Variants in PRIM2 observed in about 807,000 individuals in gnomAD.
PRIM2 encodes DNA primase large subunit.
Under a neutral mutation model 67.3 loss-of-function variants are expected in PRIM2, and 39 were observed. That is an observed-to-expected ratio of 0.58 (90% CI 0.45 to 0.76). The LOEUF (loss-of-function observed/expected upper bound fraction) is 0.76. PRIM2 is among the 30% of genes least tolerant of loss of function. The pLI, the probability that PRIM2 is intolerant of heterozygous loss-of-function variation, is 0.00. For missense variants in PRIM2, 398 were observed against 598.7 expected (o/e 0.66, Z 3.50); for synonymous variants, 143 against 198.7 (o/e 0.72, Z 2.36).
chr6:57,327,128 C>G (rs1462077650), intron 5 of PRIM2, among the ~76,000 whole-genome samples: 2 of 152,004 alleles, frequency 1.3e-5, no homozygotes, highest in Non-Finnish European at 2.9e-5. Flanking sequence ...CTTGAACCCC[C>G]TGACCTCAGG....
chr6:57,269,948 C>A, the PRIM2 span, among the ~76,000 whole-genome samples: 3 of 151,942 alleles, frequency 2.0e-5, no homozygotes, highest in Non-Finnish European at 4.4e-5. Flanking sequence ...TGTAGATATG[C>A]GGCATTATTT....
At chr6:57,584,580 A>G (rs1776156068) in intron 10 of PRIM2, among the ~76,000 whole-genome samples, 1 of 152,168 alleles carries the variant, frequency 6.6e-6, no homozygotes, top group East Asian at 1.9e-4. Context: ...CAGAACTGAA[A>G]ATGTTCTCCA....
At chr6:57,370,120 C>T (rs1769493733) in intron 5 of PRIM2, among the ~76,000 whole-genome samples, 1 of 152,200 alleles carries the variant, frequency 6.6e-6, no homozygotes, top group Non-Finnish European at 1.5e-5. Flanking sequence ...GAAAACTATT[C>T]TCTCTACTAC....
At chr6:57,401,250 T>G (rs563088921) in intron 7 of PRIM2, among the ~76,000 whole-genome samples, 75 of 152,230 alleles carry the variant, frequency 4.9e-4, no homozygotes, top group African/African-American at 1.7e-3. Flanking sequence ...AACCTCAGTG[T>G]AGATCGAGTA....
chr6:57,514,893 C>T (rs1554348083), intron 8 of PRIM2, among the ~76,000 whole-genome samples: 40,458 of 151,852 alleles, frequency 0.27, 5,939 homozygotes, highest in East Asian at 0.44. Flanking sequence ...AAAGCTGCAC[C>T]GGAATAGTTG....
At chr6:57,518,721 G>T (rs1774540343) in intron 8 of PRIM2, among the ~76,000 whole-genome samples, 2 of 152,146 alleles carry the variant, frequency 1.3e-5, no homozygotes, top group African/African-American at 2.4e-5. Context: ...CTATGATAAA[G>T]AAATGCTTTT....
intron 8 of PRIM2, among the ~76,000 whole-genome samples, chr6:57,524,593 CG>C (rs1774704385): frequency 6.6e-6 from 1 of 151,794 alleles, no homozygotes; most frequent in Non-Finnish European, 1.5e-5. Context: ...CCCAGCTACT[CG>C]GGAGGCTGAG....
intron 5 of PRIM2, among the ~76,000 whole-genome samples, chr6:57,353,966 G>A (rs1363089264): frequency 1.3e-5 from 2 of 152,160 alleles, no homozygotes; most frequent in African/African-American, 4.8e-5. Context: ...GTGTGAGAGA[G>A]AATGTAATTC....
the PRIM2 span, among the ~76,000 whole-genome samples, chr6:57,278,772 G>C: frequency 2.0e-5 from 3 of 152,002 alleles, no homozygotes; most frequent in Non-Finnish European, 4.4e-5. Flanking sequence ...TGAAAGAGGA[G>C]GGAAAGCGTG....
At chr6:57,577,430 T>TA (rs1420048494) in intron 10 of PRIM2, among the ~76,000 whole-genome samples, 2 of 140,782 alleles carry the variant, frequency 1.4e-5, no homozygotes, top group Non-Finnish European at 3.2e-5. Flanking sequence ...TATATAAATT[T>TA]TTTTTTTTTT....
At chr6:57,550,083 G>T in intron 10 of PRIM2, among the ~76,000 whole-genome samples, 1 of 152,028 alleles carries the variant, frequency 6.6e-6, no homozygotes, top group East Asian at 1.9e-4. Context: ...GAAACTCCGT[G>T]TCCCCCCTAA....
chr6:57,522,355 T>G (rs1774642953), intron 8 of PRIM2, among the ~76,000 whole-genome samples: 1 of 152,158 alleles, frequency 6.6e-6, no homozygotes, highest in Non-Finnish European at 1.5e-5. Context: ...TATTTGATTG[T>G]TTTATGTCAT....
At chr6:57,449,232 C>A (rs1772457652) in intron 7 of PRIM2, among the ~76,000 whole-genome samples, 2 of 152,046 alleles carry the variant, frequency 1.3e-5, no homozygotes. Flanking sequence ...TAAGAGATGA[C>A]TATTTAGCCC....
chr6:57,340,956 C>G (rs1183053618), intron 5 of PRIM2, among the ~76,000 whole-genome samples: 2 of 152,152 alleles, frequency 1.3e-5, no homozygotes, highest in East Asian at 1.9e-4. Flanking sequence ...TTTAAAATTA[C>G]TCTAGTTGCT....
intron 7 of PRIM2, among the ~76,000 whole-genome samples, chr6:57,503,104 A>C (rs1479302315): frequency 6.6e-6 from 1 of 152,208 alleles, no homozygotes; most frequent in Non-Finnish European, 1.5e-5. Context: ...TCACTCTACA[A>C]AACTTAGTGA....
the PRIM2 span, among the ~76,000 whole-genome samples, chr6:57,271,840 T>C: frequency 6.6e-6 from 1 of 152,244 alleles, no homozygotes; most frequent in East Asian, 1.9e-4. Flanking sequence ...TTTGTTCTCA[T>C]TGGTTTCAAA....
At chr6:57,479,891 C>G (rs1773572841) in intron 7 of PRIM2, among the ~76,000 whole-genome samples, 1 of 152,256 alleles carries the variant, frequency 6.6e-6, no homozygotes, top group Middle Eastern at 3.4e-3. Flanking sequence ...AAGCAACTAA[C>G]TATGGTATCA....
At chr6:57,598,230 A>C (rs1479907258) in intron 10 of PRIM2, among the ~76,000 whole-genome samples, 6 of 152,242 alleles carry the variant, frequency 3.9e-5, no homozygotes, top group Admixed American at 1.3e-4. Context: ...GCCTTGAGAG[A>C]TCACCGAGTG....
At chr6:57,516,979 G>T (rs1168404159) in intron 8 of PRIM2, among the ~76,000 whole-genome samples, 1 of 152,152 alleles carries the variant, frequency 6.6e-6, no homozygotes, top group Non-Finnish European at 1.5e-5. Context: ...CAGTGGTTTT[G>T]TAGCTTATCT....
Sources: allele counts gnomAD v4.1 joint callset (sites outside exome capture counted in the v4.1 genomes callset), GRCh38; gene constraint gnomAD v4.1.1; transcripts MANE v1.5; gene names NCBI Gene and HGNC (gene_info 2026-07-23, HGNC 2026-07-21).